The following CDKL4 variants were observed in gnomAD, a reference collection of about 807,000 sequenced individuals.
The protein encoded by CDKL4 is cyclin-dependent kinase-like 4.
Under a neutral mutation model 42.0 loss-of-function variants are expected in CDKL4, and 44 were observed. The ratio of observed to expected loss-of-function variants is 1.05; its 90% CI spans 0.82 to 1.35. The LOEUF (loss-of-function observed/expected upper bound fraction) is 1.35, where lower values mean the gene tolerates loss of function less well. CDKL4 is among the 40% of genes most tolerant of loss of function. The pLI, the probability that CDKL4 is intolerant of heterozygous loss-of-function variation, is 0.00. For missense variants in CDKL4, 393 were observed against 369.9 expected (o/e 1.06, Z -0.51); for synonymous variants, 120 against 121.6 (o/e 0.99, Z 0.09).
rs1553381217 is a variant in CDKL4 at position 39,185,415 on chromosome 2, C to CACATATGTATCTATACATATGT, written c.736-769_736-768insACATATGTATAGATACATATGT. ...GTATATATACATATGTGTATATATA[C>CACATATGTATCTATACATATGT]ATATATATATACATATGTATATATA... is the stretch of plus-strand genomic sequence containing the variant. On this transcript the variant is annotated intron_variant, in intron 7 of 9. Coordinates refer to ENST00000451199, the Ensembl canonical transcript of CDKL4. 4.7e-4 allele frequency among the ~76,000 whole-genome samples: 3 copies of CACATATGTATCTATACATATGT among 6,364 alleles called. 1 individual carries two copies. Among genetic ancestry groups the CACATATGTATCTATACATATGT allele is most frequent in the African/African-American group, 7.7e-4 (3 of 3,906 alleles). The allele number at this position is 6,364 out of a possible 152,430, so 4.2% of individuals were successfully genotyped here.
chr2:39,228,134 A>G (rs946662116), intron 2 of CDKL4, among the ~76,000 whole-genome samples: 4 of 152,196 alleles, frequency 2.6e-5, no homozygotes, highest in African/African-American at 9.6e-5. Flanking sequence ...GTACTACCTG[A>G]GCATTAACTT....
chr2:39,206,106 C>G (rs1322492171), intron 4 of CDKL4, among the ~76,000 whole-genome samples: 1 of 151,368 alleles, frequency 6.6e-6, no homozygotes, highest in South Asian at 2.1e-4. Flanking sequence ...CAGGCTGGAG[C>G]TCAGTGGCGC....
rs1678971333 is a variant in CDKL4, at chr2:39,229,588, C to T, written c.-56G>A. ...GATTGACTTGCAGTACAATGCTGCACCTGGAAAATAAGGTAGACTTGCCTT... is the reference window on the plus strand; with the variant it reads ...GATTGACTTGCAGTACAATGCTGCATCTGGAAAATAAGGTAGACTTGCCTT... On this transcript the variant is annotated splice_region_variant and 5_prime_UTR_variant, in exon 2 of 10. In the 5' UTR this introduces an upstream ATG that the reference lacks. Transcript: ENST00000451199. 3 of 1,386,930 alleles carry T rather than the reference C, an allele frequency of 2.2e-6. No homozygotes were observed. The highest frequency in any genetic ancestry group is 3.0e-6 in the Non-Finnish European group (3 of 1,011,272). 85.9% of individuals were successfully genotyped at this position (1,386,930 alleles called of 1,614,324 possible). A position where few individuals can be genotyped will look rare whatever the true frequency, so the allele number is the denominator to read the frequency against.
At chr2:39,212,815 A>C (rs1038741506) in intron 4 of CDKL4, among the ~76,000 whole-genome samples, 1 of 151,998 alleles carries the variant, frequency 6.6e-6, no homozygotes, top group Non-Finnish European at 1.5e-5. Flanking sequence ...GCGCACCACC[A>C]TGGCTGGCTA....
chr2:39,234,725 A>C (rs1679273449), intron 1 of CDKL4, among the ~76,000 whole-genome samples: 1 of 152,176 alleles, frequency 6.6e-6, no homozygotes. Flanking sequence ...AAGATTAAAT[A>C]AGTGTGAGAG....
intron 5 of CDKL4, among the ~76,000 whole-genome samples, chr2:39,192,856 T>C (rs1299332927): frequency 6.6e-6 from 1 of 152,140 alleles, no homozygotes; most frequent in Non-Finnish European, 1.5e-5. Context: ...CCCGGCACAG[T>C]AGCTCACACC....
At chr2:39,175,488 C>G (rs1487199355), downstream of CDKL4, among the ~76,000 whole-genome samples, 2 of 152,196 alleles carry the variant, frequency 1.3e-5, no homozygotes, top group South Asian at 4.1e-4. Context: ...AACGACCTTT[C>G]AAGGTTCCCT....
intron 5 of CDKL4, among the ~76,000 whole-genome samples, chr2:39,202,296 A>G (rs1417929654): frequency 6.6e-6 from 1 of 152,050 alleles, no homozygotes; most frequent in African/African-American, 2.4e-5. Flanking sequence ...GAACTTTTTC[A>G]AGTAACCAAA....
chr2:39,204,536 G>A lies in CDKL4; in HGVS notation c.445C>T (p.Gln149Ter). ...AAAAATTGCTACTTACTCAGAATTT[G>A]TGCAAACCCGAAGTCACAAATCTTG... The change falls in exon 5 of 10, where the codon CAA becomes TAA. Residue 149 changes from glutamine (Q) to a stop codon, truncating the protein, a stop_gained. Coordinates refer to ENST00000451199, the Ensembl canonical transcript of CDKL4. LOFTEE classifies it high-confidence loss of function. The A allele has an allele frequency of 6.2e-7, 1 of 1,603,400 alleles. No homozygotes were observed. Among genetic ancestry groups the A allele is most frequent in the Non-Finnish European group, 8.5e-7 (1 of 1,171,918 alleles).
At chr2:39,203,495 T>C (rs772918121) in intron 5 of CDKL4, among the ~76,000 whole-genome samples, 2 of 152,216 alleles carry the variant, frequency 1.3e-5, no homozygotes, top group Admixed American at 6.5e-5. Context: ...ATACCATGCA[T>C]TGGATGACTA....
chr2:39,171,370 C>G (rs1674996205), downstream of CDKL4, among the ~76,000 whole-genome samples: 1 of 152,074 alleles, frequency 6.6e-6, no homozygotes, highest in African/African-American at 2.4e-5. Flanking sequence ...CTCTTCATCC[C>G]CCAAGAACTT....
At position 39,185,434 on chromosome 2, in the gene CDKL4, A is replaced by G. The variant is rs1391182664; in HGVS notation, c.736-787T>C. 8.1e-4 allele frequency among the ~76,000 whole-genome samples: 13 copies of G among 16,002 alleles called. 3 individuals are homozygous for G. The highest frequency in any genetic ancestry group is 1.1e-3 in the Admixed American group (2 of 1,758). The allele number at this position is 16,002 out of a possible 152,430, so 10.5% of individuals were successfully genotyped here. A position where few individuals can be genotyped will look rare whatever the true frequency, so the allele number is the denominator to read the frequency against. ...TATATACATATATATATACATATGT[A>G]TATATACATGTATATATACATATGT... On this transcript the variant is annotated intron_variant, in intron 7 of 9. Coordinates refer to ENST00000451199, the Ensembl canonical transcript of CDKL4.
intron 4 of CDKL4, among the ~76,000 whole-genome samples, chr2:39,212,272 C>T (rs192892394): frequency 0.011 from 1,668 of 149,806 alleles, 37 homozygotes; most frequent in African/African-American, 0.04. Context: ...CTCACACTGT[C>T]GCCCAGGCTG....
intron 3 of CDKL4, among the ~76,000 whole-genome samples, chr2:39,217,241 G>T (rs1002593723): frequency 1.3e-5 from 2 of 152,102 alleles, no homozygotes; most frequent in Admixed American, 1.3e-4. Context: ...ATATTCGGTT[G>T]GTACAAAAGT....
rs796300737 is a variant in CDKL4, at chr2:39,185,460, G to GTA, written c.736-815_736-814dup. Among the ~76,000 whole-genome samples the GTA allele has an allele frequency of 6.3e-4, 65 of 103,970 alleles. 2 individuals are homozygous for GTA. Among genetic ancestry groups the GTA allele is most frequent in the East Asian group, 2.1e-3 (8 of 3,804 alleles). The allele number at this position is 103,970 out of a possible 152,430, so 68.2% of individuals were successfully genotyped here. On this transcript the variant is annotated intron_variant, in intron 7 of 9. Coordinates refer to ENST00000451199, the Ensembl canonical transcript of CDKL4. ...TATATACATGTATATATACATATGT[G>GTA]TATATATATATATATATATTTGAGA... is the stretch of plus-strand genomic sequence containing the variant.
At chr2:39,237,510 T>C in intron 1 of CDKL4, among the ~76,000 whole-genome samples, 1 of 152,244 alleles carries the variant, frequency 6.6e-6, no homozygotes, top group Admixed American at 6.5e-5. Context: ...TATTGAAAGT[T>C]CTTGTCAGTG....
intron 6 of CDKL4, among the ~76,000 whole-genome samples, chr2:39,189,276 C>T (rs779340794): frequency 4.6e-5 from 7 of 152,152 alleles, no homozygotes; most frequent in East Asian, 1.9e-4. Flanking sequence ...GCTCACTTTT[C>T]GGGTTATGCT....
intron 3 of CDKL4, among the ~76,000 whole-genome samples, chr2:39,216,020 A>G (rs1475967310): frequency 2.0e-5 from 3 of 152,240 alleles, no homozygotes; most frequent in Non-Finnish European, 4.4e-5. Context: ...TGAGGCAGGA[A>G]GAATAGTATA....
intron 1 of CDKL4, among the ~76,000 whole-genome samples, chr2:39,237,377 A>G (rs1156401415): frequency 6.6e-6 from 1 of 152,216 alleles, no homozygotes; most frequent in Non-Finnish European, 1.5e-5. Context: ...ATACAAGGGG[A>G]CTTCCTCAAG....
Sources: gnomAD v4.1 joint callset for allele counts (sites outside exome capture counted in the v4.1 genomes callset) on GRCh38, gnomAD v4.1.1 for gene constraint, MANE v1.5 for transcripts, NCBI Gene and HGNC (gene_info 2026-07-23, HGNC 2026-07-21) for gene names.